The following GRK7 variants were observed in gnomAD, a reference collection of about 807,000 sequenced individuals.
GRK7 encodes G protein-coupled receptor kinase 7.
Under a neutral mutation model 34.1 loss-of-function variants are expected in GRK7, and 24 were observed. The ratio of observed to expected loss-of-function variants is 0.70; its 90% CI spans 0.51 to 0.99. GRK7 has a LOEUF of 0.99. GRK7 is among the 50% of genes least tolerant of loss of function. The pLI, the probability that GRK7 is intolerant of heterozygous loss-of-function variation, is 0.00. For synonymous variants in GRK7, 256 were observed against 279.4 expected (o/e 0.92, Z 0.84); for missense variants, 644 against 707.3 (o/e 0.91, Z 1.02).
intron 4 of GRK7, among the ~76,000 whole-genome samples, chr3:141,796,338 T>G (rs1157649287): frequency 6.6e-6 from 1 of 152,212 alleles, no homozygotes; most frequent in Non-Finnish European, 1.5e-5. Context: ...CTGCCTGCCT[T>G]TAGCGTTGAT....
chr3:141,815,807 G>A (rs1299220619), intron 5 of GRK7, among the ~76,000 whole-genome samples: 2 of 151,694 alleles, frequency 1.3e-5, no homozygotes, highest in Non-Finnish European at 2.9e-5. Context: ...ACAGGATGGA[G>A]GCTTGACAAT....
In GRK7 at chr3:141,778,307, A is replaced by G. The variant is rs373761431; in HGVS notation, c.23A>G (p.Asp8Gly). 6.3e-7 allele frequency: 1 copy of G among 1,584,904 alleles called. No homozygotes were observed. Among genetic ancestry groups the G allele is most frequent in the South Asian group, 1.2e-5 (1 of 86,664 alleles). The change falls in exon 3 of 6, where the codon GAC becomes GGC. Residue 8 changes from aspartate (D) to glycine (G), a missense_variant. Asp to Gly is a moderately conservative substitution (Grantham distance 94). Coordinates refer to ENST00000682958, the MANE Select transcript of GRK7 (RefSeq NM_139209.3). The surrounding 1 kb of genome is among the most constrained non-coding windows in gnomAD (Gnocchi z 4.1). MVDMGAL[D>G]NLIANTAYLQ... Reference sequence around the variant, plus strand: ...GCCATGGTGGACATGGGGGCCCTGGACAACCTGATCGCCAACACCGCCTAC... The same window carrying G: ...GCCATGGTGGACATGGGGGCCCTGGGCAACCTGATCGCCAACACCGCCTAC...
intron 4 of GRK7, among the ~76,000 whole-genome samples, chr3:141,796,538 G>C (rs1224837820): frequency 1.3e-5 from 2 of 152,176 alleles, no homozygotes; most frequent in East Asian, 1.9e-4. Context: ...TGTTCTCTGC[G>C]AGGCACAGGG....
Position 141,780,655 on chromosome 3 carries a change from C to T in GRK7, c.894C>T (p.Ala298=). Residue 298 remains alanine (A), a synonymous_variant, in exon 4 of 6, where the codon GCC becomes GCT. Transcript: ENST00000682958. ...LDMSRVIFYS[A]QIACGMLHLH... ...TGAGCCGGGTGATCTTTTACTCGGC[C>T]CAGATAGCCTGTGGGATGCTGCACC... 1 of 1,614,172 alleles carries T rather than the reference C, an allele frequency of 6.2e-7. No homozygotes were observed. The highest frequency in any genetic ancestry group is 1.1e-5 in the South Asian group (1 of 91,082).
chr3:141,797,688 T>G (rs1577921921), intron 4 of GRK7, among the ~76,000 whole-genome samples: 1 of 152,088 alleles, frequency 6.6e-6, no homozygotes, highest in Non-Finnish European at 1.5e-5. Flanking sequence ...CGTGCCAGTG[T>G]GCTTTTGCTG....
At chr3:141,787,192 C>T (rs923336381) in intron 4 of GRK7, among the ~76,000 whole-genome samples, 3 of 152,158 alleles carry the variant, frequency 2.0e-5, no homozygotes, top group Admixed American at 6.5e-5. Context: ...GAACTTCTGA[C>T]CTACGGAACT....
At chr3:141,767,575 A>G (rs1279126798) in intron 1 of GRK7, among the ~76,000 whole-genome samples, 1 of 151,400 alleles carries the variant, frequency 6.6e-6, no homozygotes, top group Non-Finnish European at 1.5e-5. Flanking sequence ...TTTTTTTTGT[A>G]TTTTTAGTAG....
intron 4 of GRK7, among the ~76,000 whole-genome samples, chr3:141,788,179 C>G (rs2084705785): frequency 6.6e-6 from 1 of 152,198 alleles, no homozygotes; most frequent in South Asian, 2.1e-4. Flanking sequence ...CAGGCCCTTT[C>G]TCGCCACTGA....
At chr3:141,768,080 TG>T (rs1431694472) in intron 1 of GRK7, among the ~76,000 whole-genome samples, 2 of 152,232 alleles carry the variant, frequency 1.3e-5, no homozygotes, top group Non-Finnish European at 2.9e-5. Flanking sequence ...CCCTTGGATT[TG>T]GTGCCTACCT....
chr3:141,812,719 T>G (rs1711105331), intron 5 of GRK7, among the ~76,000 whole-genome samples: 2 of 152,174 alleles, frequency 1.3e-5, no homozygotes, highest in South Asian at 4.1e-4. Flanking sequence ...TCCCTGGGCA[T>G]GGTGTGCTTG....
intron 5 of GRK7, among the ~76,000 whole-genome samples, chr3:141,808,550 T>C (rs935687729): frequency 1.3e-5 from 2 of 151,690 alleles, no homozygotes; most frequent in African/African-American, 4.8e-5. Flanking sequence ...CCATCTGTAA[T>C]AAAACTACAA....
chr3:141,767,814 C>T (rs1339838191), intron 1 of GRK7, among the ~76,000 whole-genome samples: 2 of 152,146 alleles, frequency 1.3e-5, no homozygotes, highest in Non-Finnish European at 1.5e-5. Context: ...CTCTATGCCA[C>T]AGGGACAATG....
chr3:141,807,738 T>G lies in GRK7; in HGVS notation c.1144T>G (p.Tyr382Asp). ...VDWFAMGCSI[Y>D]EMVAGRTPFK... is the part of the protein sequence containing the mutation. ...CTGGTTTGCCATGGGATGCAGCATT[T>G]ATGAAATGGTTGCTGGACGAACACC... Residue 382 changes from tyrosine to aspartate, a missense_variant, in exon 5 of 6, where the codon TAT (tyrosine) becomes GAT (aspartate). By Grantham distance (160) the Tyr-to-Asp change is radical. Coordinates refer to ENST00000682958, the MANE Select transcript of GRK7 (RefSeq NM_139209.3). 6.2e-7 allele frequency: 1 copy of G among 1,614,072 alleles called. No individual in the cohort carries two copies. The highest frequency in any genetic ancestry group is 8.5e-7 in the Non-Finnish European group (1 of 1,179,902).
chr3:141,810,363 T>TC (rs150439476), intron 5 of GRK7, among the ~76,000 whole-genome samples: 967 of 24,350 alleles, frequency 0.04, 6 homozygotes, highest in South Asian at 0.059. Flanking sequence ...TCTCTCTCTC[T>TC]CCCATCCCTC....
intron 5 of GRK7, among the ~76,000 whole-genome samples, chr3:141,816,260 A>T (rs1711152380): frequency 6.6e-6 from 1 of 152,194 alleles, no homozygotes; most frequent in African/African-American, 2.4e-5. Flanking sequence ...GGGCTTGTAG[A>T]AATCATATCA....
At position 141,779,406 on chromosome 3, in the gene GRK7, A is replaced by G. The variant is rs909458602; in HGVS notation, c.612+510A>G. 5.7e-5 allele frequency among the ~76,000 whole-genome samples: 8 copies of G among 140,204 alleles called. 1 individual carries two copies. Among genetic ancestry groups the G allele is most frequent in the African/African-American group, 1.9e-4 (7 of 36,762 alleles). 92.0% of individuals were successfully genotyped at this position (140,204 alleles called of 152,430 possible). A position where few individuals can be genotyped will look rare whatever the true frequency, so the allele number is the denominator to read the frequency against. ...ACTCCAGCCTGGGTGACAGAGCAAG[A>G]CTCAAAAAAAAAAAAAAAAAGAAAG... On this transcript the variant is annotated intron_variant, in intron 3 of 5. Transcript: ENST00000682958.
At chr3:141,767,387 TTG>T (rs1373983873) in intron 1 of GRK7, among the ~76,000 whole-genome samples, 58 of 151,466 alleles carry the variant, frequency 3.8e-4, no homozygotes, top group Admixed American at 3.8e-3. Context: ...TCTGTTGGTT[TTG>T]TGTTTTGTTT....
At position 141,819,119 on chromosome 3, in the gene GRK7, CTGAT is replaced by C. The variant is rs1359910926; in HGVS notation, c.*2072_*2075del. Reference sequence around the variant, plus strand: ...GAACAAGTCCCTTTTAACAAAAAAACTGATTGGTGATTAACAGAAATCCAATTAA... The same window carrying C: ...GAACAAGTCCCTTTTAACAAAAAAACTGGTGATTAACAGAAATCCAATTAA... On this transcript the variant is annotated 3_prime_UTR_variant, in exon 6 of 6. Transcript: ENST00000682958. Among the ~76,000 whole-genome samples, 3 of 151,884 alleles carry C rather than the reference CTGAT, an allele frequency of 2.0e-5. No individual in the cohort carries two copies. The highest frequency in any genetic ancestry group is 7.3e-5 in the African/African-American group (3 of 41,326).
upstream of GRK7, among the ~76,000 whole-genome samples, chr3:141,758,861 G>A (rs1271236261): frequency 2.6e-5 from 4 of 151,644 alleles, no homozygotes; most frequent in South Asian, 4.2e-4. Context: ...TCCTTGAAGA[G>A]GTCCTTCACA....
Sources: allele counts gnomAD v4.1 joint callset (sites outside exome capture counted in the v4.1 genomes callset), GRCh38; gene constraint gnomAD v4.1.1; non-coding constraint Gnocchi (gnomAD v3.1); transcripts MANE v1.5; gene names NCBI Gene and HGNC (gene_info 2026-07-23, HGNC 2026-07-21).